LRRC53: variants seen among roughly 807,000 people sequenced by gnomAD.
The protein encoded by LRRC53 is leucine-rich repeat-containing protein 53.
A neutral mutation model predicts 13.6 loss-of-function variants in LRRC53; 25 were observed. The ratio of observed to expected loss-of-function variants is 1.83; its 90% CI spans 1.34 to 2.56. The LOEUF (loss-of-function observed/expected upper bound fraction) is 2.56. Among genes scored for constraint, LRRC53 ranks in the 30% most tolerant of loss-of-function variants. The pLI is 0.00. For missense variants in LRRC53, 527 were observed against 275.8 expected, an observed-to-expected ratio of 1.91 and a Z score of -6.45; for synonymous variants, 204 against 109.8, an observed-to-expected ratio of 1.86 and a Z score of -5.37.
chr1:74,511,032 C>T (rs1326620631), intron 1 of LRRC53, among the ~76,000 whole-genome samples: 3 of 152,030 alleles, frequency 2.0e-5, no homozygotes, highest in South Asian at 2.1e-4. Flanking sequence ...GAATTACAGG[C>T]GTCTGCCACC....
upstream of LRRC53, among the ~76,000 whole-genome samples, chr1:74,514,846 C>T (rs980748021): frequency 6.6e-6 from 1 of 152,010 alleles, no homozygotes; most frequent in East Asian, 1.9e-4. Context: ...AAAATGTGAC[C>T]CTATTTGGAA....
intron 1 of LRRC53, among the ~76,000 whole-genome samples, chr1:74,501,443 A>T (rs894333759): frequency 6.6e-6 from 1 of 151,982 alleles, no homozygotes. Context: ...AGACCAACCA[A>T]AACTTCAACT....
chr1:74,499,922 G>A (rs1185498546), intron 1 of LRRC53, among the ~76,000 whole-genome samples: 3 of 151,872 alleles, frequency 2.0e-5, no homozygotes, highest in Non-Finnish European at 4.4e-5. Context: ...TGGACTAATT[G>A]CAAACATATT....
chr1:74,522,775 T>G, the LRRC53 span, among the ~76,000 whole-genome samples: 15 of 152,278 alleles, frequency 9.9e-5, no homozygotes, highest in East Asian at 2.7e-3. Flanking sequence ...CTGGTGTATT[T>G]CTTAGGTTGA....
At chr1:74,484,097 T>C (rs1201059279) in intron 1 of LRRC53, among the ~76,000 whole-genome samples, 1 of 151,952 alleles carries the variant, frequency 6.6e-6, no homozygotes, top group East Asian at 1.9e-4. Flanking sequence ...GTTTAGTAAA[T>C]GTTAAACTTT....
At chr1:74,513,547 T>G (rs998343719), upstream of LRRC53, among the ~76,000 whole-genome samples, 2 of 152,190 alleles carry the variant, frequency 1.3e-5, no homozygotes, top group African/African-American at 4.8e-5. Flanking sequence ...TTGTCTTCCT[T>G]TTTTTCTCTA....
intron 1 of LRRC53, among the ~76,000 whole-genome samples, chr1:74,507,092 G>A (rs1669942167): frequency 6.6e-6 from 1 of 152,096 alleles, no homozygotes; most frequent in African/African-American, 2.4e-5. Context: ...ATATTACATA[G>A]TGTGCTGATC....
intron 2 of LRRC53, among the ~76,000 whole-genome samples, chr1:74,481,744 C>T (rs1668515531): frequency 6.6e-6 from 1 of 152,182 alleles, no homozygotes; most frequent in South Asian, 2.1e-4. Context: ...AGCATTTTAA[C>T]TCAATAAAGA....
chr1:74,474,300 A>G (rs553704744), intron 4 of LRRC53, among the ~76,000 whole-genome samples: 4 of 152,264 alleles, frequency 2.6e-5, no homozygotes, highest in African/African-American at 9.6e-5. Context: ...CCTGGTTTCT[A>G]TGGCATATGT....
At chr1:74,514,051 G>A (rs985136434), upstream of LRRC53, among the ~76,000 whole-genome samples, 3 of 152,114 alleles carry the variant, frequency 2.0e-5, no homozygotes, top group Non-Finnish European at 4.4e-5. Context: ...CGATAACTGC[G>A]TTTTTCAATT....
At chr1:74,532,581 C>T in the LRRC53 span, among the ~76,000 whole-genome samples, 2 of 151,728 alleles carry the variant, frequency 1.3e-5, no homozygotes, top group African/African-American at 2.4e-5. Flanking sequence ...CCCAATAACT[C>T]GTCATTTAGC....
chr1:74,502,554 C>T (rs1488493122), intron 1 of LRRC53, among the ~76,000 whole-genome samples: 1 of 152,162 alleles, frequency 6.6e-6, no homozygotes, highest in Non-Finnish European at 1.5e-5. Context: ...TTGCCAACAC[C>T]AGAACGTTAT....
chr1:74,523,631 G>A, the LRRC53 span, among the ~76,000 whole-genome samples: 2 of 152,172 alleles, frequency 1.3e-5, no homozygotes, highest in African/African-American at 2.4e-5. Context: ...CAGAGGTTGA[G>A]CTCCTACTGT....
At chr1:74,483,486 A>C (rs751687751) in intron 1 of LRRC53, 111 bp from the exon 2 acceptor site, 1 of 552,890 alleles carries the variant, frequency 1.8e-6, no homozygotes, top group East Asian at 3.0e-5. Context: ...TTCAATGAGC[A>C]TCTTGGTGTT....
Position 74,471,403 on chromosome 1 carries a change from T to A in LRRC53, c.2219A>T (p.Lys740Met), listed in dbSNP as rs1438354399. ...HPEKSLSSLP[K>M]QCKQVLLPPK... ...AGGCAACAATACCTGCTTGCATTGC[T>A]TTGGGAGACTTGACAAGGATTTTTC... The change falls in exon 5 of 5, where the codon AAG (lysine) becomes ATG (methionine). Residue 740 changes from lysine to methionine, a missense_variant. By Grantham distance (95) the Lys-to-Met change is moderately conservative. Coordinates refer to ENST00000294635, the MANE Select transcript of LRRC53 (RefSeq NM_001382280.1). The A allele has an allele frequency of 2.5e-6, 1 of 400,634 alleles. No homozygotes were observed. Among genetic ancestry groups the A allele is most frequent in the Non-Finnish European group, 4.4e-6 (1 of 226,186 alleles). 24.8% of individuals were successfully genotyped at this position (400,634 alleles called of 1,614,324 possible). A position where few individuals can be genotyped will look rare whatever the true frequency, so the allele number is the denominator to read the frequency against.
rs181645034 is a variant in LRRC53, at chr1:74,471,375, A to G, written c.2247T>C (p.Pro749=). 151 of 400,722 alleles carry G rather than the reference A, an allele frequency of 3.8e-4. No homozygotes were observed. Among genetic ancestry groups the G allele is most frequent in the African/African-American group, 2.8e-3 (138 of 48,814 alleles). The allele number at this position is 400,722 out of a possible 1,614,324, so 24.8% of individuals were successfully genotyped here. ...PKQCKQVLLP[P]KKLSKTSETE... ...TCTCAGAAGTTTTGGATAATTTCTT[A>G]GGAGGCAACAATACCTGCTTGCATT... Residue 749 remains proline (P), a synonymous_variant, in exon 5 of 5, where the codon CCT becomes CCC. Coordinates refer to ENST00000294635, the MANE Select transcript of LRRC53 (RefSeq NM_001382280.1).
chr1:74,496,109 C>G (rs948966856), intron 1 of LRRC53, among the ~76,000 whole-genome samples: 8 of 152,170 alleles, frequency 5.3e-5, no homozygotes, highest in Admixed American at 5.2e-4. Context: ...GGTTGGCACC[C>G]AGGCATCAGA....
At chr1:74,497,622 C>G (rs1253538400) in intron 1 of LRRC53, among the ~76,000 whole-genome samples, 1 of 151,388 alleles carries the variant, frequency 6.6e-6, no homozygotes, top group Non-Finnish European at 1.5e-5. Context: ...ACATACATTC[C>G]TCCACACACA....
At chr1:74,477,520 A>C (rs1291124450) in intron 3 of LRRC53, among the ~76,000 whole-genome samples, 1 of 152,212 alleles carries the variant, frequency 6.6e-6, no homozygotes, top group Non-Finnish European at 1.5e-5. Context: ...TTAAATGACT[A>C]GTGCAGTTAG....
Sources: gnomAD v4.1 joint callset for allele counts (sites outside exome capture counted in the v4.1 genomes callset) on GRCh38, gnomAD v4.1.1 for gene constraint, MANE v1.5 for transcripts, NCBI Gene and HGNC (gene_info 2026-07-23, HGNC 2026-07-21) for gene names.